Variants in PARVA observed in about 807,000 individuals in gnomAD.
PARVA encodes parvin alpha.
PARVA carries 25 observed loss-of-function variants against 52.6 expected under a neutral mutation model. The observed-to-expected ratio is 0.48, with a 90% CI of 0.35 to 0.66. PARVA has a LOEUF of 0.66. Ranked by LOEUF, PARVA falls within the 30% of genes least tolerant of loss-of-function variation. The pLI, the probability that PARVA is intolerant of heterozygous loss-of-function variation, is 0.01. For synonymous variants in PARVA, 185 were observed against 179.1 expected, an observed-to-expected ratio of 1.03 and a Z score of -0.26; for missense variants, 373 against 450.9, an observed-to-expected ratio of 0.83 and a Z score of 1.56.
At chr11:12,442,012 A>C (rs756182110) in intron 1 of PARVA, among the ~76,000 whole-genome samples, 4 of 152,244 alleles carry the variant, frequency 2.6e-5, no homozygotes, top group Non-Finnish European at 4.4e-5. Context: ...GTGGGGTTAG[A>C]GAGTCAGAGA....
chr11:12,527,378 C>T (rs1941717491), intron 12 of PARVA, among the ~76,000 whole-genome samples: 1 of 152,106 alleles, frequency 6.6e-6, no homozygotes, highest in Non-Finnish European at 1.5e-5. Context: ...GAAGTTTTAG[C>T]ACCTCAAACC....
At chr11:12,384,136 C>G (rs917733755) in intron 1 of PARVA, among the ~76,000 whole-genome samples, 2 of 152,182 alleles carry the variant, frequency 1.3e-5, no homozygotes, top group African/African-American at 4.8e-5. Context: ...CTTGGCATAG[C>G]CAGATATGCT....
In PARVA at chr11:12,502,583, T is replaced by TA. The variant is rs112035768; in HGVS notation, c.542-1719dup. ...CCAGGTAATTTCACATAAGGTATAA[T>TA]AAAAAAAAAAAATCAGCCATTCCTG... On this transcript the variant is annotated intron_variant, in intron 5 of 12. Coordinates refer to ENST00000334956, the MANE Select transcript of PARVA (RefSeq NM_018222.5). Among the ~76,000 whole-genome samples the TA allele has an allele frequency of 8.6e-3, 1,226 of 142,488 alleles. 12 individuals carry two copies. The highest frequency in any genetic ancestry group is 0.025 in the Middle Eastern group (7 of 280). 93.5% of individuals were successfully genotyped at this position (142,488 alleles called of 152,430 possible). A position where few individuals can be genotyped will look rare whatever the true frequency, so the allele number is the denominator to read the frequency against.
intron 1 of PARVA, among the ~76,000 whole-genome samples, chr11:12,452,441 T>G (rs774474127): frequency 2.6e-5 from 4 of 151,952 alleles, no homozygotes; most frequent in Non-Finnish European, 4.4e-5. Flanking sequence ...TAGGACAGGC[T>G]CTCCCCACAA....
upstream of PARVA, chr11:12,377,366 G>C (rs1443734782): frequency 2.3e-6 from 3 of 1,324,988 alleles, no homozygotes; most frequent in Non-Finnish European, 2.9e-6. Flanking sequence ...ACGTCCTCCT[G>C]TCCTGCAAGG....
intron 1 of PARVA, among the ~76,000 whole-genome samples, chr11:12,395,609 G>T (rs1939731300): frequency 6.6e-6 from 1 of 152,198 alleles, no homozygotes; most frequent in African/African-American, 2.4e-5. Context: ...GAAAGGTACG[G>T]TGCGGCCCAG....
rs1941818368 is a variant in PARVA at position 12,535,096 on chromosome 11, C to T, written c.*7171C>T. 1.3e-5 allele frequency among the ~76,000 whole-genome samples: 2 copies of T among 152,236 alleles called. No individual in the cohort carries two copies. The highest frequency in any genetic ancestry group is 4.1e-4 in the South Asian group (2 of 4,834). ...GCACTTGGGGCAGGGGGTGCATTCTCTGTGCCTCTCCTGAGTCTACTTTCT... is the reference window on the plus strand; with the variant it reads ...GCACTTGGGGCAGGGGGTGCATTCTTTGTGCCTCTCCTGAGTCTACTTTCT... On this transcript the variant is annotated 3_prime_UTR_variant, in exon 13 of 13. Coordinates refer to ENST00000334956, the MANE Select transcript of PARVA (RefSeq NM_018222.5).
chr11:12,397,495 T>G (rs1939765539), intron 1 of PARVA, among the ~76,000 whole-genome samples: 1 of 152,274 alleles, frequency 6.6e-6, no homozygotes, highest in Non-Finnish European at 1.5e-5. Flanking sequence ...TTTTTAAGTT[T>G]GGATTTTGCT....
intron 10 of PARVA, 49 bp from the exon 11 acceptor site, chr11:12,517,561 T>G (rs1281753398): frequency 7.3e-7 from 1 of 1,365,180 alleles, no homozygotes; most frequent in African/African-American, 1.4e-5. Flanking sequence ...TGGATGGGGA[T>G]TGGCTGGGAG....
At chr11:12,477,423 G>A (rs940500408) in intron 3 of PARVA, among the ~76,000 whole-genome samples, 5 of 152,116 alleles carry the variant, frequency 3.3e-5, no homozygotes, top group Admixed American at 3.3e-4. Flanking sequence ...CGTACACTGT[G>A]AGTGTTGCTT....
chr11:12,493,463 T>A (rs1247876621), intron 4 of PARVA, among the ~76,000 whole-genome samples: 1 of 149,798 alleles, frequency 6.7e-6, no homozygotes, highest in African/African-American at 2.4e-5. Flanking sequence ...AACTAAAATA[T>A]CGAACAGCAA....
intron 1 of PARVA, among the ~76,000 whole-genome samples, chr11:12,405,512 C>T (rs185600108): frequency 1.1e-4 from 16 of 152,118 alleles, no homozygotes; most frequent in Admixed American, 5.9e-4. Flanking sequence ...TGCAGTGAGC[C>T]GTGAGTCCAC....
Position 12,448,139 on chromosome 11 carries a change from A to C in PARVA, c.137-25606A>C, listed in dbSNP as rs987946633. Among the ~76,000 whole-genome samples, 3 of 152,180 alleles carry C rather than the reference A, an allele frequency of 2.0e-5. No homozygotes were observed. The East Asian group carries it at 5.8e-4, about 29-fold the overall frequency. On this transcript the variant is annotated intron_variant, in intron 1 of 12. Coordinates refer to ENST00000334956, the MANE Select transcript of PARVA (RefSeq NM_018222.5). ...CTGACATCTGATTAACCTACCTTAC[A>C]GTAGAGATAACCAAAACTCAGAGAT... is the stretch of plus-strand genomic sequence containing the variant.
At chr11:12,521,188 C>T (rs1941632254) in intron 12 of PARVA, among the ~76,000 whole-genome samples, 1 of 152,104 alleles carries the variant, frequency 6.6e-6, no homozygotes, top group African/African-American at 2.4e-5. Context: ...TACCTGGGAC[C>T]AGATGGCAAG....
At chr11:12,466,838 C>T (rs913354285) in intron 1 of PARVA, among the ~76,000 whole-genome samples, 3 of 152,066 alleles carry the variant, frequency 2.0e-5, no homozygotes, top group East Asian at 1.9e-4. Context: ...CCTCCAACTT[C>T]GTTATTCTTC....
intron 1 of PARVA, among the ~76,000 whole-genome samples, chr11:12,458,430 G>A (rs145447191): frequency 6.6e-6 from 1 of 152,338 alleles, no homozygotes; most frequent in African/African-American, 2.4e-5. Context: ...CCATAGAGTT[G>A]GGACTGAGGA....
At chr11:12,500,275 G>A (rs904951571) in intron 5 of PARVA, among the ~76,000 whole-genome samples, 3 of 152,026 alleles carry the variant, frequency 2.0e-5, no homozygotes, top group East Asian at 1.9e-4. Context: ...TGCGGTTCCC[G>A]GCTTGCACAG....
At chr11:12,526,848 A>AG in intron 12 of PARVA, among the ~76,000 whole-genome samples, 1 of 151,148 alleles carries the variant, frequency 6.6e-6, no homozygotes. Flanking sequence ...AAGAGCAGAG[A>AG]GGGGGTCTTG....
Position 12,529,566 on chromosome 11 carries a change from A to G in PARVA, c.*1641A>G, listed in dbSNP as rs908757797. 1 of 152,142 alleles carries G rather than the reference A, an allele frequency of 6.6e-6. No homozygotes were observed. The highest frequency in any genetic ancestry group is 1.5e-5 in the Non-Finnish European group (1 of 68,030). 9.4% of individuals were successfully genotyped at this position (152,142 alleles called of 1,614,324 possible). A position where few individuals can be genotyped will look rare whatever the true frequency, so the allele number is the denominator to read the frequency against. ...AGAAGTCTGTGACTACCTTGTCACT[A>G]CTTTAGGCCCATTCCACAAAGCCCA... On this transcript the variant is annotated 3_prime_UTR_variant, in exon 13 of 13. Coordinates refer to ENST00000334956, the MANE Select transcript of PARVA (RefSeq NM_018222.5).
Sources: gnomAD v4.1 joint callset for allele counts (sites outside exome capture counted in the v4.1 genomes callset) on GRCh38, gnomAD v4.1.1 for gene constraint, MANE v1.5 for transcripts, NCBI Gene and HGNC (gene_info 2026-07-23, HGNC 2026-07-21) for gene names.